CAMK1D: variants seen among roughly 807,000 people sequenced by gnomAD.
CAMK1D encodes the protein calcium/calmodulin dependent protein kinase ID.
CAMK1D carries 9 observed loss-of-function variants against 47.7 expected under a neutral mutation model. The ratio of observed to expected loss-of-function variants is 0.19; its 90% CI spans 0.11 to 0.33. The LOEUF (loss-of-function observed/expected upper bound fraction) is 0.33, where lower values mean the gene tolerates loss of function less well. Among genes scored for constraint, CAMK1D ranks in the 10% least tolerant of loss-of-function variants. The pLI, the probability that CAMK1D is intolerant of heterozygous loss-of-function variation, is 1.00. For synonymous variants in CAMK1D, 184 were observed against 184.9 expected (o/e 0.99, Z 0.04); for missense variants, 291 against 488.7 (o/e 0.60, Z 3.81).
At chr10:12,404,324 C>T (rs999536605) in intron 1 of CAMK1D, among the ~76,000 whole-genome samples, 3 of 152,176 alleles carry the variant, frequency 2.0e-5, no homozygotes, top group African/African-American at 4.8e-5. Context: ...GGATTACAGG[C>T]GTGAGCCCCT....
chr10:12,410,033 C>G (rs1207905237), intron 1 of CAMK1D, among the ~76,000 whole-genome samples: 1 of 152,204 alleles, frequency 6.6e-6, no homozygotes, highest in Non-Finnish European at 1.5e-5. Flanking sequence ...TGGCTCAGAA[C>G]TTCATTCCTT....
At chr10:12,352,339 G>A (rs981510548) in intron 1 of CAMK1D, among the ~76,000 whole-genome samples, 1 of 152,196 alleles carries the variant, frequency 6.6e-6, no homozygotes, top group Non-Finnish European at 1.5e-5. Flanking sequence ...GCTGGGCGTG[G>A]TGGCTCACAC....
chr10:12,579,067 C>G (rs1180031904), intron 2 of CAMK1D, among the ~76,000 whole-genome samples: 3 of 152,012 alleles, frequency 2.0e-5, no homozygotes, highest in African/African-American at 7.3e-5. Flanking sequence ...GGGGCTTTCA[C>G]CGAGAAATTG....
intron 3 of CAMK1D, among the ~76,000 whole-genome samples, chr10:12,695,726 A>G (rs1396368823): frequency 6.6e-6 from 1 of 152,086 alleles, no homozygotes; most frequent in Non-Finnish European, 1.5e-5. Flanking sequence ...AGTCCCACCC[A>G]GCTTTTAAAT....
At chr10:12,547,648 C>CCT (rs1554786322) in intron 1 of CAMK1D, among the ~76,000 whole-genome samples, 2,555 of 101,088 alleles carry the variant, frequency 0.025, 186 homozygotes, top group African/African-American at 0.11. Flanking sequence ...CACCCCCCCC[C>CCT]CAACCCTGCA....
chr10:12,418,751 T>C (rs1839941004), intron 1 of CAMK1D, among the ~76,000 whole-genome samples: 1 of 152,196 alleles, frequency 6.6e-6, no homozygotes, highest in Non-Finnish European at 1.5e-5. Flanking sequence ...TTAAAACGAA[T>C]GAAGGTATTA....
intron 1 of CAMK1D, among the ~76,000 whole-genome samples, chr10:12,413,930 C>A (rs1265543330): frequency 6.6e-6 from 1 of 152,118 alleles, no homozygotes; most frequent in African/African-American, 2.4e-5. Context: ...AAGGGCTTAT[C>A]CCTTTTTCAC....
chr10:12,534,902 G>A (rs1223816554), intron 1 of CAMK1D, among the ~76,000 whole-genome samples: 2 of 152,094 alleles, frequency 1.3e-5, no homozygotes, highest in East Asian at 3.9e-4. Flanking sequence ...GCCTGGAAGT[G>A]CCCATGTCAT....
chr10:12,822,496 C>T (rs536164262), intron 8 of CAMK1D, among the ~76,000 whole-genome samples: 61 of 152,366 alleles, frequency 4.0e-4, no homozygotes, highest in Admixed American at 9.1e-4. Flanking sequence ...CAGCAGGCCA[C>T]GGGCCGTGGG....
At chr10:12,670,482 G>A (rs1386768728) in intron 3 of CAMK1D, among the ~76,000 whole-genome samples, 1 of 150,906 alleles carries the variant, frequency 6.6e-6, no homozygotes, top group South Asian at 2.1e-4. Context: ...TTTTTTAATG[G>A]CACCTTTTAA....
chr10:12,780,955 T>C (rs912964642), intron 5 of CAMK1D, among the ~76,000 whole-genome samples: 53 of 152,332 alleles, frequency 3.5e-4, no homozygotes, highest in African/African-American at 1.3e-3. Context: ...GGGAGACTTG[T>C]AGGGCCTGCT....
At position 12,831,820 on chromosome 10, in the gene CAMK1D, G is replaced by A. The variant is rs911361431; in HGVS notation, c.*2933G>A. 2 of 152,232 alleles carry A rather than the reference G, an allele frequency of 1.3e-5. No homozygotes were observed. Among genetic ancestry groups the A allele is most frequent in the Non-Finnish European group, 2.9e-5 (2 of 68,050 alleles). 9.4% of individuals were successfully genotyped at this position (152,232 alleles called of 1,614,324 possible). On this transcript the variant is annotated 3_prime_UTR_variant, in exon 11 of 11. Coordinates refer to ENST00000619168, the MANE Select transcript of CAMK1D (RefSeq NM_153498.4). Reference sequence around the variant, plus strand: ...CTTGTGCTTTTGAGAGAGCTCTCATGTTAAAAAGAGGTTGTCTTTGCACTG... The same window carrying A: ...CTTGTGCTTTTGAGAGAGCTCTCATATTAAAAAGAGGTTGTCTTTGCACTG...
chr10:12,568,009 T>A (rs2132305789), intron 2 of CAMK1D, among the ~76,000 whole-genome samples: 1 of 150,852 alleles, frequency 6.6e-6, no homozygotes, highest in East Asian at 2.0e-4. Context: ...TGAGCTTTCC[T>A]TTAAATATGT....
intron 1 of CAMK1D, among the ~76,000 whole-genome samples, chr10:12,411,405 G>T (rs543674088): frequency 6.6e-6 from 1 of 152,266 alleles, no homozygotes; most frequent in South Asian, 2.1e-4. Flanking sequence ...TCCTGTGGCC[G>T]AGATGGTCGG....
At chr10:12,546,363 G>C (rs1387972294) in intron 1 of CAMK1D, among the ~76,000 whole-genome samples, 1 of 137,352 alleles carries the variant, frequency 7.3e-6, no homozygotes, top group East Asian at 2.2e-4. Context: ...TGATGGAAAT[G>C]ACAGAGACAG....
intron 2 of CAMK1D, among the ~76,000 whole-genome samples, chr10:12,660,971 A>G (rs1840258292): frequency 6.6e-6 from 1 of 152,170 alleles, no homozygotes; most frequent in Non-Finnish European, 1.5e-5. Context: ...TATAACTGAC[A>G]TCTCTGCCTC....
Position 12,740,996 on chromosome 10 carries a change from G to A in CAMK1D, c.300-19952G>A, listed in dbSNP as rs117647655. ...TCAGATAATTGGTGGTTCCTGGACT[G>A]CCTAAAGGAAGGGGATTTTCCACAT... On this transcript the variant is annotated intron_variant, in intron 3 of 10. Transcript: ENST00000619168. Among the ~76,000 whole-genome samples, 15 of 152,320 alleles carry A rather than the reference G, an allele frequency of 9.8e-5. No homozygotes were observed. In the East Asian group the frequency reaches 1.7e-3, roughly 18 times the overall value.
intron 3 of CAMK1D, among the ~76,000 whole-genome samples, chr10:12,700,067 C>T (rs1435233674): frequency 6.6e-6 from 1 of 152,048 alleles, no homozygotes; most frequent in Non-Finnish European, 1.5e-5. Flanking sequence ...TTTGAAGTCC[C>T]TTAGTATATT....
chr10:12,801,353 CTTAT>C (rs1564572196), intron 6 of CAMK1D, among the ~76,000 whole-genome samples: 11 of 41,160 alleles, frequency 2.7e-4, no homozygotes, highest in African/African-American at 8.2e-4. Flanking sequence ...ATCTATCTAT[CTTAT>C]CTATCTATCT....
Sources: allele counts gnomAD v4.1 joint callset (sites outside exome capture counted in the v4.1 genomes callset), GRCh38; gene constraint gnomAD v4.1.1; transcripts MANE v1.5; gene names NCBI Gene and HGNC (gene_info 2026-07-23, HGNC 2026-07-21).